Variants in CCDC7 observed in about 807,000 individuals in gnomAD.
CCDC7 encodes the protein coiled-coil domain containing 7.
CCDC7 carries 183 observed loss-of-function variants against 196.9 expected under a neutral mutation model. That is an observed-to-expected ratio of 0.93 (90% CI 0.82 to 1.05). CCDC7 has a LOEUF of 1.05. Among genes scored for constraint, CCDC7 ranks in the 50% least tolerant of loss-of-function variants. CCDC7 has a pLI of 0.00. For synonymous variants in CCDC7, 525 were observed against 484.6 expected (o/e 1.08, Z -1.10); for missense variants, 1,540 against 1,482.2 (o/e 1.04, Z -0.64).
intron 29 of CCDC7, among the ~76,000 whole-genome samples, chr10:32,786,111 T>C (rs897310145): frequency 9.9e-5 from 15 of 152,130 alleles, no homozygotes; most frequent in Admixed American, 9.2e-4. Context: ...TAAAAAGAAA[T>C]GCTGACATTG....
chr10:32,864,620 A>C (rs985287681), intron 41 of CCDC7, among the ~76,000 whole-genome samples: 6 of 151,750 alleles, frequency 4.0e-5, no homozygotes, highest in Non-Finnish European at 8.8e-5. Context: ...TAAAATGAAA[A>C]GAAACTGAAC....
At chr10:32,603,191 T>C (rs1246508719) in intron 18 of CCDC7, among the ~76,000 whole-genome samples, 1 of 151,702 alleles carries the variant, frequency 6.6e-6, no homozygotes, top group Non-Finnish European at 1.5e-5. Flanking sequence ...TACATAAGAA[T>C]GAGAACATGC....
intron 18 of CCDC7, among the ~76,000 whole-genome samples, chr10:32,586,853 T>C (rs1337135705): frequency 6.6e-6 from 1 of 152,186 alleles, no homozygotes; most frequent in African/African-American, 2.4e-5. Context: ...GGCATTGACC[T>C]AAACTTTTAA....
At chr10:32,446,291 A>G (rs904881753) in exon 1 of CCDC7, 1 of 152,274 alleles carries the variant, frequency 6.6e-6, no homozygotes, top group Non-Finnish European at 1.5e-5. Flanking sequence ...GTCTCGAAGG[A>G]AGTCTGGCAG....
chr10:32,703,356 G>A (rs555762038), intron 24 of CCDC7, among the ~76,000 whole-genome samples: 13 of 152,106 alleles, frequency 8.5e-5, no homozygotes, highest in South Asian at 2.1e-4. Flanking sequence ...ACTCTCTTCC[G>A]GCTTGTAGAG....
intron 20 of CCDC7, among the ~76,000 whole-genome samples, chr10:32,649,958 G>A (rs2068442811): frequency 6.6e-6 from 1 of 152,148 alleles, no homozygotes; most frequent in African/African-American, 2.4e-5. Context: ...AACTTTCTCT[G>A]TGATCTCAAT....
chr10:32,623,032 C>T (rs2063579358), intron 18 of CCDC7, among the ~76,000 whole-genome samples: 1 of 152,104 alleles, frequency 6.6e-6, no homozygotes, highest in Non-Finnish European at 1.5e-5. Flanking sequence ...TGTCATACAA[C>T]ATGTTGTTCT....
chr10:32,707,384 G>A (rs2079970117), intron 24 of CCDC7, among the ~76,000 whole-genome samples: 1 of 152,066 alleles, frequency 6.6e-6, no homozygotes, highest in South Asian at 2.1e-4. Flanking sequence ...GGCAAAAACT[G>A]GAAGCATTCC....
intron 20 of CCDC7, among the ~76,000 whole-genome samples, chr10:32,663,221 G>T (rs955757428): frequency 6.6e-6 from 1 of 151,976 alleles, no homozygotes; most frequent in Non-Finnish European, 1.5e-5. Context: ...TCTCTTCTAT[G>T]GTCTCTTTTG....
chr10:32,548,027 T>C (rs938791547), intron 13 of CCDC7, among the ~76,000 whole-genome samples: 12 of 152,294 alleles, frequency 7.9e-5, no homozygotes, highest in South Asian at 6.2e-4. Flanking sequence ...CCACATATCA[T>C]TGATGTTATA....
At chr10:32,876,409 T>C (rs770349897), downstream of CCDC7, 63 of 1,605,520 alleles carry the variant, frequency 3.9e-5, no homozygotes, top group Non-Finnish European at 5.4e-5. Context: ...AAGGAAATTC[T>C]GAGCAAGATA....
intron 30 of CCDC7, among the ~76,000 whole-genome samples, chr10:32,812,314 A>G (rs180772272): frequency 6.9e-4 from 105 of 152,218 alleles, no homozygotes; most frequent in African/African-American, 2.2e-3. Context: ...GAAGGTTAAT[A>G]TAATACAAAT....
intron 28 of CCDC7, among the ~76,000 whole-genome samples, chr10:32,749,111 G>A (rs1323673017): frequency 6.6e-6 from 1 of 152,126 alleles, no homozygotes; most frequent in Non-Finnish European, 1.5e-5. Flanking sequence ...TCATTAAGTT[G>A]TGATTCCCTA....
chr10:32,728,680 C>T (rs2083467564), intron 26 of CCDC7, among the ~76,000 whole-genome samples: 1 of 152,078 alleles, frequency 6.6e-6, no homozygotes, highest in African/African-American at 2.4e-5. Context: ...ATCCTGGAGA[C>T]CAATATAAAC....
Position 32,489,157 on chromosome 10 carries a change from A to G in CCDC7, c.797-2765A>G, listed in dbSNP as rs114418804. ...GTGGTACTAATGTCTGATGCATGAT[A>G]CCTGTGGAGTGGTCAAGGAGCTTGG... On this transcript the variant is annotated intron_variant, in intron 8 of 41. Transcript: ENST00000639629. Among the ~76,000 whole-genome samples the G allele has an allele frequency of 3.8e-3, 576 of 152,262 alleles. 5 individuals are homozygous for G. Among genetic ancestry groups the G allele is most frequent in the African/African-American group, 0.013 (555 of 41,546 alleles).
chr10:32,852,477 G>A (rs563056741), intron 40 of CCDC7, among the ~76,000 whole-genome samples: 44 of 152,140 alleles, frequency 2.9e-4, no homozygotes, highest in Non-Finnish European at 4.6e-4. Flanking sequence ...AGTTAATTGA[G>A]TTTGAATTTT....
intron 13 of CCDC7, among the ~76,000 whole-genome samples, chr10:32,554,414 G>A (rs1348909377): frequency 2.6e-5 from 4 of 152,192 alleles, no homozygotes; most frequent in Admixed American, 6.5e-5. Context: ...CTGGTCCTCT[G>A]TCTGTCCTCC....
chr10:32,582,189 C>A (rs1231827148), intron 16 of CCDC7, among the ~76,000 whole-genome samples: 5 of 144,452 alleles, frequency 3.5e-5, no homozygotes, highest in African/African-American at 1.3e-4. Flanking sequence ...TTTTTTATAA[C>A]CCAAACTTTG....
intron 5 of CCDC7, among the ~76,000 whole-genome samples, chr10:32,470,712 A>T (rs2133893820): frequency 6.6e-6 from 1 of 152,282 alleles, no homozygotes; most frequent in South Asian, 2.1e-4. Flanking sequence ...TACTACAGTA[A>T]GGGTATTCTT....
Sources: gnomAD v4.1 joint callset for allele counts (sites outside exome capture counted in the v4.1 genomes callset) on GRCh38, gnomAD v4.1.1 for gene constraint, MANE v1.5 for transcripts, NCBI Gene and HGNC (gene_info 2026-07-23, HGNC 2026-07-21) for gene names.